The following TENM2 variants were observed in gnomAD, a reference collection of about 807,000 sequenced individuals.
The protein encoded by TENM2 is teneurin transmembrane protein 2, also known as teneurin-2.
In TENM2, 52 loss-of-function variants were observed where a neutral mutation model predicts 245.2. The ratio of observed to expected loss-of-function variants is 0.21; its 90% CI spans 0.17 to 0.27. The LOEUF (loss-of-function observed/expected upper bound fraction) is 0.27. TENM2 is among the 10% of genes least tolerant of loss of function. TENM2 has a pLI of 1.00. For synonymous variants in TENM2, 1,363 were observed against 1,438.9 expected (o/e 0.95, Z 1.19); for missense variants, 3,046 against 3,666.8 (o/e 0.83, Z 4.37).
At chr5:167,858,922 C>T (rs1278529410) in intron 2 of TENM2, among the ~76,000 whole-genome samples, 2 of 131,936 alleles carry the variant, frequency 1.5e-5, no homozygotes, top group Admixed American at 7.4e-5. Context: ...AGCCTCTGCC[C>T]GGCTGCCACC....
chr5:167,399,338 T>A (rs1467125765), intron 2 of TENM2, among the ~76,000 whole-genome samples: 2 of 152,112 alleles, frequency 1.3e-5, no homozygotes, highest in Non-Finnish European at 1.5e-5. Context: ...GAGCGAGAGA[T>A]GTGGGATCAA....
intron 6 of TENM2, among the ~76,000 whole-genome samples, chr5:168,057,811 T>C (rs1391779594): frequency 1.3e-5 from 2 of 152,188 alleles, no homozygotes; most frequent in African/African-American, 4.8e-5. Context: ...TAAATAAAAT[T>C]CAGTTTACAT....
chr5:168,097,286 A>C (rs1020502343), intron 8 of TENM2, among the ~76,000 whole-genome samples: 20 of 152,290 alleles, frequency 1.3e-4, no homozygotes, highest in African/African-American at 4.8e-4. Flanking sequence ...ATCAGACCAA[A>C]TCTTAACTGA....
At chr5:167,034,775 G>C in the TENM2 span, among the ~76,000 whole-genome samples, 2 of 151,996 alleles carry the variant, frequency 1.3e-5, no homozygotes, top group Non-Finnish European at 2.9e-5. Flanking sequence ...GAGGCTCAAA[G>C]TCATGGGTGG....
intron 2 of TENM2, among the ~76,000 whole-genome samples, chr5:167,732,764 T>G (rs1231506652): frequency 6.6e-6 from 1 of 152,194 alleles, no homozygotes; most frequent in Non-Finnish European, 1.5e-5. Context: ...ATGGGGAAGC[T>G]CTGAACCAAT....
At chr5:168,223,470 CTTT>C (rs34029248) in intron 23 of TENM2, among the ~76,000 whole-genome samples, 6 of 137,000 alleles carry the variant, frequency 4.4e-5, no homozygotes, top group Admixed American at 1.5e-4. Flanking sequence ...CAAGTAATTT[CTTT>C]TTTTTTTTTT....
At chr5:167,821,580 C>T (rs879307613) in intron 2 of TENM2, among the ~76,000 whole-genome samples, 24 of 152,186 alleles carry the variant, frequency 1.6e-4, no homozygotes, top group African/African-American at 4.6e-4. Flanking sequence ...AAACATGATC[C>T]GATAGTTCCA....
chr5:167,410,471 C>T (rs554294499), intron 2 of TENM2, among the ~76,000 whole-genome samples: 1 of 151,862 alleles, frequency 6.6e-6, no homozygotes, highest in African/African-American at 2.4e-5. Flanking sequence ...GCATTCTCTG[C>T]AACTCATTTA....
chr5:167,101,634 A>G, the TENM2 span, among the ~76,000 whole-genome samples: 60 of 151,408 alleles, frequency 4.0e-4, 1 homozygote, highest in South Asian at 0.013. Context: ...AGGTCAGAAC[A>G]AGTCCAGCAG....
At chr5:167,532,710 A>G (rs1419460820) in intron 2 of TENM2, among the ~76,000 whole-genome samples, 2 of 151,570 alleles carry the variant, frequency 1.3e-5, no homozygotes, top group East Asian at 1.9e-4. Context: ...ACATATCTAT[A>G]TATGTATATA....
chr5:168,028,590 T>C (rs10068776), intron 5 of TENM2, among the ~76,000 whole-genome samples: 4 of 152,026 alleles, frequency 2.6e-5, no homozygotes, highest in Non-Finnish European at 5.9e-5. Context: ...CAGTTAAATT[T>C]GAGTTTCAGA....
chr5:167,683,684 G>A (rs1363524478), intron 2 of TENM2, among the ~76,000 whole-genome samples: 2 of 152,094 alleles, frequency 1.3e-5, no homozygotes, highest in East Asian at 3.9e-4. Flanking sequence ...AGGGGCACCT[G>A]ACATTATAAT....
intron 2 of TENM2, among the ~76,000 whole-genome samples, chr5:167,867,518 A>G (rs1227702063): frequency 6.6e-6 from 1 of 152,136 alleles, no homozygotes; most frequent in African/African-American, 2.4e-5. Context: ...CACAATTGGG[A>G]TAGTTTTGCC....
intron 1 of TENM2, chr5:167,306,746 A>G (rs1755700677): frequency 6.6e-6 from 1 of 152,366 alleles, no homozygotes; most frequent in Non-Finnish European, 1.5e-5. Flanking sequence ...TTCTGTCACC[A>G]TCATTCGTTT....
chr5:167,248,499 AGGTGGT>A, the TENM2 span, among the ~76,000 whole-genome samples: 2 of 152,114 alleles, frequency 1.3e-5, no homozygotes, highest in African/African-American at 4.8e-5. Context: ...AGGATTTCCC[AGGTGGT>A]GTCCGTGCTG....
chr5:168,155,485 G>T (rs1390425034), intron 12 of TENM2, among the ~76,000 whole-genome samples: 1 of 151,892 alleles, frequency 6.6e-6, no homozygotes, highest in Non-Finnish European at 1.5e-5. Flanking sequence ...GTCTACCTTC[G>T]TGTCTCCTGC....
chr5:167,462,803 A>G (rs1294096634), intron 2 of TENM2, among the ~76,000 whole-genome samples: 3 of 151,924 alleles, frequency 2.0e-5, no homozygotes, highest in Non-Finnish European at 4.4e-5. Context: ...GCAACATTTG[A>G]GCACAAAAAC....
intron 14 of TENM2, chr5:168,190,759 C>T: frequency 2.1e-6 from 1 of 472,404 alleles, no homozygotes; most frequent in Middle Eastern, 5.4e-4. Flanking sequence ...AGGATGTCAA[C>T]ATCTTTAACC....
At chr5:167,153,807 C>CA in the TENM2 span, among the ~76,000 whole-genome samples, 4 of 151,654 alleles carry the variant, frequency 2.6e-5, 1 homozygote, top group Admixed American at 2.6e-4. Flanking sequence ...CTGAAAAAAA[C>CA]AAAAAACAAA....
Sources: gnomAD v4.1 joint callset for allele counts (sites outside exome capture counted in the v4.1 genomes callset) on GRCh38, gnomAD v4.1.1 for gene constraint, MANE v1.5 for transcripts, NCBI Gene and HGNC (gene_info 2026-07-23, HGNC 2026-07-21) for gene names.